Variants in ZNF362 observed in about 807,000 individuals in gnomAD.
The protein encoded by ZNF362 is zinc finger protein 362.
A neutral mutation model predicts 42.9 loss-of-function variants in ZNF362; 11 were observed. That is an observed-to-expected ratio of 0.26 (90% CI 0.16 to 0.42). ZNF362 has a LOEUF of 0.42. Ranked by LOEUF, ZNF362 falls within the 20% of genes least tolerant of loss-of-function variation. The pLI, the probability that ZNF362 is intolerant of heterozygous loss-of-function variation, is 1.00. For synonymous variants in ZNF362, 255 were observed against 257.3 expected (o/e 0.99, Z 0.09); for missense variants, 362 against 576.2 (o/e 0.63, Z 3.81).
chr1:33,193,004 C>CACACACACACATATATATATATATAT, the ZNF362 span, among the ~76,000 whole-genome samples: 548 of 137,148 alleles, frequency 4.0e-3, 2 homozygotes, highest in East Asian at 0.013. Context: ...CACACACACA[C>CACACACACACATATATATATATATAT]ATATATATAT....
chr1:33,145,635 A>G, the ZNF362 span: 2 of 271,468 alleles, frequency 7.4e-6, no homozygotes, highest in African/African-American at 2.3e-5. Flanking sequence ...AGAGACCCCA[A>G]GTGCAGAATC....
chr1:33,222,602 G>T, the ZNF362 span, among the ~76,000 whole-genome samples: 1 of 152,178 alleles, frequency 6.6e-6, no homozygotes, highest in African/African-American at 2.4e-5. Flanking sequence ...CTAATAGCTA[G>T]CTGTTATCTA....
intron 8 of ZNF362, 114 bp downstream of exon 8, chr1:33,295,419 G>A: frequency 1.2e-6 from 1 of 808,880 alleles, no homozygotes. Context: ...CAGACAAATT[G>A]AGGCCTAGAG....
chr1:33,257,331 A>G (rs866436259), intron 1 of ZNF362, among the ~76,000 whole-genome samples: 3 of 150,876 alleles, frequency 2.0e-5, no homozygotes, highest in Admixed American at 6.6e-5. Flanking sequence ...AAAAAAAAAA[A>G]GGGAAGCTGC....
chr1:33,257,510 A>G (rs1285277092), intron 1 of ZNF362, among the ~76,000 whole-genome samples: 1 of 147,812 alleles, frequency 6.8e-6, no homozygotes, highest in Non-Finnish European at 1.5e-5. Context: ...CCTTTGCAGG[A>G]TTTTTGGGAA....
chr1:33,136,304 C>T, the ZNF362 span, among the ~76,000 whole-genome samples: 72 of 127,998 alleles, frequency 5.6e-4, 1 homozygote, highest in Non-Finnish European at 8.0e-4. Context: ...CTTTCTTTTT[C>T]TTTCTTTCTT....
chr1:33,231,328 A>T, the ZNF362 span, among the ~76,000 whole-genome samples: 2 of 152,156 alleles, frequency 1.3e-5, no homozygotes, highest in Non-Finnish European at 1.5e-5. Context: ...GTTTCTTAGA[A>T]CTGCAGTTAT....
the ZNF362 span, among the ~76,000 whole-genome samples, chr1:33,226,887 C>T: frequency 1.3e-5 from 2 of 152,108 alleles, no homozygotes; most frequent in African/African-American, 4.8e-5. Flanking sequence ...CAAAACAAAA[C>T]AAGACACCCA....
the ZNF362 span, among the ~76,000 whole-genome samples, chr1:33,210,287 A>G: frequency 6.6e-6 from 1 of 152,166 alleles, no homozygotes; most frequent in Non-Finnish European, 1.5e-5. Context: ...GTGGTCTGAG[A>G]GACAGTTTGT....
chr1:33,276,162 A>G lies in ZNF362; in HGVS notation c.101A>G (p.Gln34Arg). ...CCCCCTCCTCCCACCATGCCCAGCC[A>G]GGTAAGACTGACGTCGCCCCTCCGG... ...FWPPPPTMPS[Q>R]LDNLVLINKI... Residue 34 changes from glutamine (Q) to arginine (R), a missense_variant and splice_region_variant, in exon 3 of 9, where the codon CAG (glutamine) becomes CGG (arginine). Gln to Arg is a conservative substitution (Grantham distance 43). Around this residue, in one of 3 missense-constraint regions of ZNF362, gnomAD observed 266 missense variants for 365.4 expected, o/e 0.73. Coordinates refer to ENST00000539719, the MANE Select transcript of ZNF362 (RefSeq NM_152493.3). 1 of 1,613,626 alleles carries G rather than the reference A, an allele frequency of 6.2e-7. No homozygotes were observed. The highest frequency in any genetic ancestry group is 8.5e-7 in the Non-Finnish European group (1 of 1,179,984).
upstream of ZNF362, among the ~76,000 whole-genome samples, chr1:33,255,254 C>G (rs1196501552): frequency 2.6e-5 from 4 of 152,174 alleles, no homozygotes; most frequent in Admixed American, 6.5e-5. Context: ...CTCCAGCCAA[C>G]CAGCTATTAA....
At chr1:33,146,233 CTTG>C in the ZNF362 span, 1 of 222,770 alleles carries the variant, frequency 4.5e-6, no homozygotes, top group Admixed American at 5.3e-5. Context: ...ACAAGTGGCT[CTTG>C]TTTTCTGCAG....
the ZNF362 span, among the ~76,000 whole-genome samples, chr1:33,239,310 A>G: frequency 5.3e-5 from 8 of 152,114 alleles, no homozygotes; most frequent in Admixed American, 2.6e-4. Flanking sequence ...AGGGGCCCCA[A>G]ATGTTCCCTC....
At chr1:33,152,263 C>T in the ZNF362 span, among the ~76,000 whole-genome samples, 1 of 152,174 alleles carries the variant, frequency 6.6e-6, no homozygotes, top group Non-Finnish European at 1.5e-5. Flanking sequence ...CCCCAGAAAG[C>T]CTGTTCAGCA....
chr1:33,204,096 A>T, the ZNF362 span, among the ~76,000 whole-genome samples: 1 of 152,046 alleles, frequency 6.6e-6, no homozygotes, highest in African/African-American at 2.4e-5. Context: ...TAGAAATTTT[A>T]TGGTTTTGGT....
the ZNF362 span, among the ~76,000 whole-genome samples, chr1:33,135,131 CA>C: frequency 1.3e-5 from 2 of 151,898 alleles, no homozygotes; most frequent in African/African-American, 4.8e-5. Context: ...ACTAAAAATA[CA>C]AAAAAAATTT....
chr1:33,160,028 A>G, the ZNF362 span: 1 of 1,540,202 alleles, frequency 6.5e-7, no homozygotes, highest in Non-Finnish European at 8.8e-7. Flanking sequence ...GAGAGCCTTG[A>G]CACACAGAGA....
In ZNF362 at chr1:33,295,308, G is replaced by A. The variant is rs1646112624; in HGVS notation, c.1146+3G>A. On this transcript the variant is annotated splice_donor_region_variant and intron_variant, in intron 8 of 8. Transcript: ENST00000539719. ...TGTGTGGGCGGGCCTACACCTCGGT[G>A]AGTGCCGGTCGGCCTGTGCCCTGCC... is the stretch of plus-strand genomic sequence containing the variant. 6.2e-7 allele frequency: 1 copy of A among 1,613,644 alleles called. No individual in the cohort carries two copies. Among genetic ancestry groups the A allele is most frequent in the Middle Eastern group, 1.7e-4 (1 of 6,052 alleles).
At chr1:33,168,422 A>G in the ZNF362 span, among the ~76,000 whole-genome samples, 1 of 151,910 alleles carries the variant, frequency 6.6e-6, no homozygotes, top group East Asian at 1.9e-4. Context: ...GCCAATTTCC[A>G]TGGTGTAAAT....
Sources: allele counts gnomAD v4.1 joint callset (sites outside exome capture counted in the v4.1 genomes callset), GRCh38; gene constraint gnomAD v4.1.1; regional missense constraint gnomAD v4.1.1; transcripts MANE v1.5; gene names NCBI Gene and HGNC (gene_info 2026-07-23, HGNC 2026-07-21).